MAPK10: variants seen among roughly 807,000 people sequenced by gnomAD.
The protein encoded by MAPK10 is mitogen-activated protein kinase 10, also known as JNK3 alpha protein kinase.
Under a neutral mutation model 59.3 loss-of-function variants are expected in MAPK10, and 25 were observed. The observed-to-expected ratio is 0.42, with a 90% CI of 0.31 to 0.59. The LOEUF (loss-of-function observed/expected upper bound fraction) is 0.59, where lower values mean the gene tolerates loss of function less well. Ranked by LOEUF, MAPK10 falls within the 20% of genes least tolerant of loss-of-function variation. The pLI is 0.15. For missense variants in MAPK10, 351 were observed against 568.9 expected, an observed-to-expected ratio of 0.62 and a Z score of 3.90; for synonymous variants, 190 against 200.5, an observed-to-expected ratio of 0.95 and a Z score of 0.44.
chr4:86,445,222 T>C (rs1229593975), intron 1 of MAPK10, among the ~76,000 whole-genome samples: 4 of 152,164 alleles, frequency 2.6e-5, no homozygotes, highest in Non-Finnish European at 1.5e-5. Context: ...ATATACACCA[T>C]GGAATACTAT....
intron 1 of MAPK10, among the ~76,000 whole-genome samples, chr4:86,503,142 C>T (rs1365027254): frequency 2.0e-5 from 3 of 152,124 alleles, no homozygotes; most frequent in African/African-American, 2.4e-5. Flanking sequence ...TCATCTTTCC[C>T]AAACAAACTC....
At chr4:86,318,502 C>T (rs769377) in intron 2 of MAPK10, among the ~76,000 whole-genome samples, 8,270 of 152,134 alleles carry the variant, frequency 0.054, 261 homozygotes, top group African/African-American at 0.09. Context: ...TAGATTTAAA[C>T]ACTTCAGTAA....
chr4:86,436,741 G>C (rs1466379088), intron 1 of MAPK10, among the ~76,000 whole-genome samples: 1 of 152,008 alleles, frequency 6.6e-6, no homozygotes, highest in African/African-American at 2.4e-5. Context: ...AATATATCAA[G>C]ATATATGAAG....
At chr4:86,080,570 C>T (rs182910845) in intron 9 of MAPK10, 15 of 151,686 alleles carry the variant, frequency 9.9e-5, no homozygotes, top group East Asian at 1.9e-4. Context: ...ATACGTACTT[C>T]GGGAGAAAAA....
chr4:86,146,607 A>T (rs1323746062), intron 4 of MAPK10, among the ~76,000 whole-genome samples: 1 of 152,208 alleles, frequency 6.6e-6, no homozygotes, highest in African/African-American at 2.4e-5. Flanking sequence ...CCACAGAAGT[A>T]GCTCCATGCT....
intron 1 of MAPK10, among the ~76,000 whole-genome samples, chr4:86,410,208 G>T (rs903706972): frequency 2.0e-5 from 3 of 152,202 alleles, no homozygotes; most frequent in Non-Finnish European, 4.4e-5. Context: ...GATGTTTAGT[G>T]ATTTGCATTT....
At chr4:86,064,958 G>A (rs2046442642) in intron 10 of MAPK10, 2 of 152,370 alleles carry the variant, frequency 1.3e-5, no homozygotes, top group African/African-American at 2.4e-5. Context: ...AGGCTGGAGT[G>A]TAGTGGAATG....
intron 1 of MAPK10, among the ~76,000 whole-genome samples, chr4:86,578,561 G>C (rs1390683500): frequency 6.6e-6 from 1 of 152,162 alleles, no homozygotes; most frequent in Non-Finnish European, 1.5e-5. Context: ...GTTTTTCACT[G>C]TTCTCTTAAA....
At chr4:86,226,210 T>C (rs17011516) in intron 2 of MAPK10, among the ~76,000 whole-genome samples, 12,933 of 152,232 alleles carry the variant, frequency 0.085, 1,219 homozygotes, top group African/African-American at 0.23. Flanking sequence ...TTATAGAACA[T>C]AAATCTAAGT....
chr4:86,593,968 G>C (rs1168938033), exon 1 of MAPK10: 1 of 152,228 alleles, frequency 6.6e-6, no homozygotes, highest in Non-Finnish European at 1.5e-5. Context: ...GAAGTTAGAA[G>C]TGTGGGGGTC....
intron 2 of MAPK10, among the ~76,000 whole-genome samples, chr4:86,341,584 A>C (rs2148939380): frequency 6.6e-6 from 1 of 152,292 alleles, no homozygotes; most frequent in African/African-American, 2.4e-5. Flanking sequence ...AGAATTAAGT[A>C]CTTGACTTGC....
chr4:86,038,520 T>C (rs2040818513), intron 11 of MAPK10, among the ~76,000 whole-genome samples: 1 of 151,842 alleles, frequency 6.6e-6, no homozygotes, highest in Non-Finnish European at 1.5e-5. Flanking sequence ...TTTGATTTTA[T>C]ATTTCCTTGA....
At chr4:86,489,782 C>A (rs1226939433) in intron 1 of MAPK10, among the ~76,000 whole-genome samples, 1 of 152,166 alleles carries the variant, frequency 6.6e-6, no homozygotes, top group Admixed American at 6.5e-5. Context: ...TCTAGTCAAT[C>A]CTGAATGGTT....
chr4:86,173,076 C>A (rs1040990755), intron 3 of MAPK10, among the ~76,000 whole-genome samples: 4 of 151,888 alleles, frequency 2.6e-5, no homozygotes, highest in African/African-American at 9.7e-5. Context: ...CTATTCCCAT[C>A]AAAGTATGAT....
At chr4:86,079,031 A>AT (rs1411874478) in intron 9 of MAPK10, among the ~76,000 whole-genome samples, 1 of 152,042 alleles carries the variant, frequency 6.6e-6, no homozygotes, top group Non-Finnish European at 1.5e-5. Flanking sequence ...TTTTTAGGGT[A>AT]TTTTTTATTT....
chr4:86,351,991 T>G (rs1274572663), intron 2 of MAPK10, among the ~76,000 whole-genome samples: 1 of 152,204 alleles, frequency 6.6e-6, no homozygotes, highest in Admixed American at 6.5e-5. Flanking sequence ...TGCAAATTAA[T>G]ACTTTTATGA....
At chr4:86,123,041 A>G (rs1412769643) in intron 4 of MAPK10, among the ~76,000 whole-genome samples, 1 of 152,106 alleles carries the variant, frequency 6.6e-6, no homozygotes, top group Non-Finnish European at 1.5e-5. Flanking sequence ...ACAAGGTACT[A>G]CAAGTTTATT....
At chr4:86,221,067 C>T (rs1220621947) in intron 2 of MAPK10, among the ~76,000 whole-genome samples, 2 of 152,170 alleles carry the variant, frequency 1.3e-5, no homozygotes, top group African/African-American at 4.8e-5. Flanking sequence ...CCCACAGTCT[C>T]CCGAATAGAA....
At chr4:86,263,944 C>A (rs929398277) in intron 2 of MAPK10, among the ~76,000 whole-genome samples, 2 of 152,150 alleles carry the variant, frequency 1.3e-5, no homozygotes, top group Admixed American at 6.5e-5. Flanking sequence ...CATTAAAATT[C>A]TCTTTAGCTG....
Sources: allele counts gnomAD v4.1 joint callset (sites outside exome capture counted in the v4.1 genomes callset), GRCh38; gene constraint gnomAD v4.1.1; transcripts MANE v1.5; gene names NCBI Gene and HGNC (gene_info 2026-07-23, HGNC 2026-07-21).